The following CDH12 variants were observed in gnomAD, a reference collection of about 807,000 sequenced individuals.
CDH12 encodes the protein cadherin 12.
A neutral mutation model predicts 74.1 loss-of-function variants in CDH12; 41 were observed. The observed-to-expected ratio is 0.55, with a 90% confidence interval of 0.43 to 0.72. The LOEUF is 0.72. CDH12 is among the 30% of genes least tolerant of loss of function. CDH12 has a pLI of 0.00. For synonymous variants in CDH12, 399 were observed against 355.0 expected (o/e 1.12, Z -1.39); for missense variants, 945 against 977.2 (o/e 0.97, Z 0.44).
intron 3 of CDH12, among the ~76,000 whole-genome samples, chr5:22,313,658 C>T (rs911762960): frequency 2.0e-5 from 3 of 152,064 alleles, no homozygotes; most frequent in Admixed American, 1.3e-4. Context: ...TTAAAAGGAA[C>T]AAAACAATAT....
intron 3 of CDH12, among the ~76,000 whole-genome samples, chr5:22,296,931 A>G (rs1303165502): frequency 6.6e-6 from 1 of 152,170 alleles, no homozygotes; most frequent in African/African-American, 2.4e-5. Context: ...CAAGATGACA[A>G]TACTCCTTTT....
At chr5:22,579,824 T>C (rs1739988102) in intron 1 of CDH12, among the ~76,000 whole-genome samples, 1 of 152,196 alleles carries the variant, frequency 6.6e-6, no homozygotes. Context: ...CTATTCATAC[T>C]GGGAAAACTG....
intron 1 of CDH12, among the ~76,000 whole-genome samples, chr5:22,744,313 C>T (rs541056771): frequency 2.0e-5 from 3 of 152,020 alleles, no homozygotes; most frequent in Admixed American, 6.5e-5. Flanking sequence ...CCTGTAGTCC[C>T]AGCTACTCGG....
chr5:22,771,576 G>A (rs1300198092), intron 1 of CDH12, among the ~76,000 whole-genome samples: 6 of 151,684 alleles, frequency 4.0e-5, no homozygotes, highest in Admixed American at 3.9e-4. Context: ...TATTCCTTTA[G>A]TCTCTATTCT....
intron 1 of CDH12, among the ~76,000 whole-genome samples, chr5:22,574,234 C>T (rs1739673803): frequency 6.6e-6 from 1 of 151,798 alleles, no homozygotes. Flanking sequence ...TACGCACCAC[C>T]ACACCTGGCT....
At chr5:22,285,556 G>T (rs936119164) in intron 3 of CDH12, among the ~76,000 whole-genome samples, 1 of 151,984 alleles carries the variant, frequency 6.6e-6, no homozygotes, top group Non-Finnish European at 1.5e-5. Flanking sequence ...AAATAAACTT[G>T]GTTAGAACTT....
At chr5:22,820,262 T>A (rs994181274) in intron 1 of CDH12, among the ~76,000 whole-genome samples, 6 of 151,956 alleles carry the variant, frequency 3.9e-5, no homozygotes, top group Admixed American at 3.3e-4. Context: ...TGTCTTAATT[T>A]TTCAGAAATG....
chr5:21,816,050 C>CT, intron 9 of CDH12, among the ~76,000 whole-genome samples: 1 of 152,126 alleles, frequency 6.6e-6, no homozygotes, highest in Non-Finnish European at 1.5e-5. Context: ...ATCACTAGGT[C>CT]TTTTTTGTTT....
intron 6 of CDH12, among the ~76,000 whole-genome samples, chr5:21,903,047 G>C (rs1753472427): frequency 6.6e-6 from 1 of 152,034 alleles, no homozygotes; most frequent in Admixed American, 6.6e-5. Flanking sequence ...CTGCTACTTA[G>C]AGTTAAGAAA....
chr5:22,245,320 A>G (rs909680271), intron 3 of CDH12, among the ~76,000 whole-genome samples: 3 of 152,142 alleles, frequency 2.0e-5, no homozygotes, highest in Non-Finnish European at 4.4e-5. Context: ...AGCAGCATCA[A>G]CCTGCAGGTG....
chr5:22,014,378 T>C (rs767544610), intron 5 of CDH12, among the ~76,000 whole-genome samples: 6 of 152,192 alleles, frequency 3.9e-5, no homozygotes, highest in Non-Finnish European at 7.3e-5. Context: ...CTGACATATA[T>C]GGATCCTCAG....
At position 22,842,018 on chromosome 5, in the gene CDH12, G is replaced by A. The variant is rs142741996; in HGVS notation, c.-523+11040C>T. ...TACTTAAAATAACAATAATCATGTAGGTGGCAAAAAATACTTGAGATGACA... is the reference window on the plus strand; with the variant it reads ...TACTTAAAATAACAATAATCATGTAAGTGGCAAAAAATACTTGAGATGACA... On this transcript the variant is annotated intron_variant, in intron 1 of 14. Coordinates refer to ENST00000382254, the MANE Select transcript of CDH12 (RefSeq NM_004061.5). Among the ~76,000 whole-genome samples the A allele has an allele frequency of 6.1e-3, 922 of 152,164 alleles. 9 individuals are homozygous for A. Among genetic ancestry groups the A allele is most frequent in the African/African-American group, 0.021 (864 of 41,530 alleles).
In CDH12 at chr5:22,277,783, G is replaced by A. The variant is rs1407907007; in HGVS notation, c.-332-65140C>T. 6.6e-5 allele frequency among the ~76,000 whole-genome samples: 10 copies of A among 152,120 alleles called. No homozygotes were observed. The East Asian group carries it at 1.2e-3, about 18-fold the overall frequency. On this transcript the variant is annotated intron_variant, in intron 3 of 14. Coordinates refer to ENST00000382254, the MANE Select transcript of CDH12 (RefSeq NM_004061.5). ...CGGGAGGTGGAGATTGCAGTGGGCC[G>A]AGATTGCGCCATTGCACTCCAGCCT... is the stretch of plus-strand genomic sequence containing the variant.
chr5:21,979,746 C>T (rs1757224691), intron 5 of CDH12, among the ~76,000 whole-genome samples: 1 of 151,520 alleles, frequency 6.6e-6, no homozygotes, highest in Non-Finnish European at 1.5e-5. Context: ...GTGTGAAAAC[C>T]AAAAGTTGCG....
intron 2 of CDH12, among the ~76,000 whole-genome samples, chr5:22,407,400 A>C (rs541137240): frequency 6.6e-6 from 1 of 152,046 alleles, no homozygotes; most frequent in Non-Finnish European, 1.5e-5. Flanking sequence ...TTTAAAATCC[A>C]CTTCATTTTC....
intron 5 of CDH12, among the ~76,000 whole-genome samples, chr5:22,077,280 T>C (rs959727421): frequency 5.9e-5 from 9 of 152,188 alleles, no homozygotes; most frequent in Non-Finnish European, 1.3e-4. Context: ...TTCCACTGTA[T>C]AATTTAATAT....
intron 4 of CDH12, among the ~76,000 whole-genome samples, chr5:22,171,884 T>G (rs185222992): frequency 6.3e-4 from 96 of 151,984 alleles, no homozygotes; most frequent in Middle Eastern, 6.8e-3. Context: ...GCAAGGTTAA[T>G]CCAGGAAGAT....
intron 5 of CDH12, among the ~76,000 whole-genome samples, chr5:22,047,247 T>G (rs1561055305): frequency 6.6e-6 from 1 of 152,186 alleles, no homozygotes. Context: ...TTCCTTAAAC[T>G]TTCAATTCCA....
intron 7 of CDH12, among the ~76,000 whole-genome samples, chr5:21,847,324 T>C (rs1750227778): frequency 1.3e-5 from 2 of 152,130 alleles, no homozygotes; most frequent in Non-Finnish European, 1.5e-5. Flanking sequence ...AGCCATTCTA[T>C]CCAAAATTTC....
Sources: allele counts gnomAD v4.1 joint callset (sites outside exome capture counted in the v4.1 genomes callset), GRCh38; gene constraint gnomAD v4.1.1; transcripts MANE v1.5; gene names NCBI Gene and HGNC (gene_info 2026-07-23, HGNC 2026-07-21).